SCHIP1: variants seen among roughly 807,000 people sequenced by gnomAD.
SCHIP1 encodes the protein schwannomin-interacting protein 1.
SCHIP1 carries 8 observed loss-of-function variants against 29.7 expected under a neutral mutation model. That is an observed-to-expected ratio of 0.27 (90% CI 0.16 to 0.49). The LOEUF (loss-of-function observed/expected upper bound fraction) is 0.49, where lower values mean the gene tolerates loss of function less well. Ranked by LOEUF, SCHIP1 falls within the 20% of genes least tolerant of loss-of-function variation. SCHIP1 has a pLI of 0.99. For missense variants in SCHIP1, 193 were observed against 294.6 expected (o/e 0.66, Z 2.52); for synonymous variants, 76 against 94.9 (o/e 0.80, Z 1.16).
At chr3:159,895,061 T>G (rs1717926056) in intron 6 of SCHIP1, among the ~76,000 whole-genome samples, 1 of 152,200 alleles carries the variant, frequency 6.6e-6, no homozygotes, top group African/African-American at 2.4e-5. Flanking sequence ...TCAAGTTCAC[T>G]GGGCATCAAA....
the SCHIP1 span, among the ~76,000 whole-genome samples, chr3:159,715,441 A>G: frequency 6.6e-6 from 1 of 152,282 alleles, no homozygotes; most frequent in East Asian, 1.9e-4. Context: ...GATCAGTAAT[A>G]ACAAACCTCT....
intron 1 of SCHIP1, among the ~76,000 whole-genome samples, chr3:159,863,504 A>G (rs1714276237): frequency 1.3e-5 from 2 of 152,172 alleles, no homozygotes; most frequent in Admixed American, 1.3e-4. Context: ...AAAAGATTTT[A>G]AAATTGTGTT....
At chr3:159,350,181 A>C in the SCHIP1 span, among the ~76,000 whole-genome samples, 1 of 152,124 alleles carries the variant, frequency 6.6e-6, no homozygotes, top group Non-Finnish European at 1.5e-5. Flanking sequence ...ATCTGATTTT[A>C]GTTTCACAAT....
rs370059809 is a variant in SCHIP1, at chr3:159,863,567, A to G, written c.31-2596A>G. 1.2e-4 allele frequency among the ~76,000 whole-genome samples: 18 copies of G among 152,352 alleles called. No individual in the cohort carries two copies. In the East Asian group the frequency reaches 2.5e-3, roughly 21 times the overall value. On this transcript the variant is annotated intron_variant, in intron 1 of 6. Transcript: ENST00000445224. ...CAATTCTGAAAATCTAATAAATAAT[A>G]TGATCTCAACTTTATAAAAAGGAAA...
chr3:159,722,384 T>C, the SCHIP1 span: 1 of 153,356 alleles, frequency 6.5e-6, no homozygotes, highest in African/African-American at 2.4e-5. Context: ...ATAGAAAGTC[T>C]TCTCTTTCTA....
At chr3:159,852,801 A>C (rs530294668) in intron 1 of SCHIP1, 32 of 152,310 alleles carry the variant, frequency 2.1e-4, no homozygotes, top group African/African-American at 7.0e-4. Flanking sequence ...AAAAGCAAAC[A>C]TCTGTGTTAC....
chr3:159,795,844 C>G, the SCHIP1 span, among the ~76,000 whole-genome samples: 258 of 152,224 alleles, frequency 1.7e-3, no homozygotes, highest in African/African-American at 6.0e-3. Context: ...GATGTGTTGA[C>G]GGAAGCCAAT....
At chr3:159,589,961 T>A in the SCHIP1 span, among the ~76,000 whole-genome samples, 2 of 152,202 alleles carry the variant, frequency 1.3e-5, no homozygotes, top group Non-Finnish European at 2.9e-5. Context: ...GGTGGCTAGA[T>A]AAAATACAGA....
At chr3:159,592,990 GGA>G in the SCHIP1 span, among the ~76,000 whole-genome samples, 3 of 152,084 alleles carry the variant, frequency 2.0e-5, no homozygotes, top group African/African-American at 7.2e-5. Flanking sequence ...CCTGGAGTAG[GGA>G]GAGGGAGGTC....
the SCHIP1 span, among the ~76,000 whole-genome samples, chr3:159,425,670 C>G: frequency 6.6e-6 from 1 of 152,214 alleles, no homozygotes; most frequent in African/African-American, 2.4e-5. Context: ...AGGAATTGAA[C>G]TCAGCTCTGC....
chr3:159,415,243 G>A, the SCHIP1 span, among the ~76,000 whole-genome samples: 1 of 152,114 alleles, frequency 6.6e-6, no homozygotes, highest in Non-Finnish European at 1.5e-5. Context: ...TACTCCAACT[G>A]AGTGTCTGTA....
At chr3:159,885,290 A>G (rs532478235) in intron 2 of SCHIP1, among the ~76,000 whole-genome samples, 3 of 152,260 alleles carry the variant, frequency 2.0e-5, no homozygotes, top group African/African-American at 7.2e-5. Flanking sequence ...TTCTTTCCCT[A>G]AGCTTACACA....
the SCHIP1 span, among the ~76,000 whole-genome samples, chr3:159,600,122 T>A: frequency 6.6e-6 from 1 of 152,190 alleles, no homozygotes; most frequent in Non-Finnish European, 1.5e-5. Flanking sequence ...TAGGCACCTT[T>A]TTCATGTTGT....
At chr3:159,573,114 T>C in the SCHIP1 span, among the ~76,000 whole-genome samples, 1 of 152,178 alleles carries the variant, frequency 6.6e-6, no homozygotes, top group East Asian at 1.9e-4. Context: ...CATTTACATT[T>C]AAGGTTAATA....
chr3:159,372,219 A>ATTAGTC, the SCHIP1 span, among the ~76,000 whole-genome samples: 1 of 152,136 alleles, frequency 6.6e-6, no homozygotes, highest in Non-Finnish European at 1.5e-5. Flanking sequence ...ACTGAAAAAA[A>ATTAGTC]TTAGTCTTAA....
the SCHIP1 span, among the ~76,000 whole-genome samples, chr3:159,558,690 A>T: frequency 3.3e-3 from 508 of 152,352 alleles, 2 homozygotes; most frequent in African/African-American, 0.012. Context: ...TCTCATCGGT[A>T]GCCCCTTACT....
chr3:159,613,150 A>T, the SCHIP1 span, among the ~76,000 whole-genome samples: 3 of 152,226 alleles, frequency 2.0e-5, no homozygotes, highest in African/African-American at 7.2e-5. Flanking sequence ...TAACAAAAAA[A>T]TTGATTTACT....
At chr3:159,602,630 T>A in the SCHIP1 span, among the ~76,000 whole-genome samples, 30,909 of 151,032 alleles carry the variant, frequency 0.2, 8,617 homozygotes, top group African/African-American at 0.63. Context: ...AATTGCTTGA[T>A]CCTGGGAGGC....
At chr3:159,282,011 T>C in the SCHIP1 span, among the ~76,000 whole-genome samples, 1 of 152,084 alleles carries the variant, frequency 6.6e-6, no homozygotes, top group Admixed American at 6.5e-5. Flanking sequence ...AATTTCTGTG[T>C]CATTAAAATT....
Sources: gnomAD v4.1 joint callset for allele counts (sites outside exome capture counted in the v4.1 genomes callset) on GRCh38, gnomAD v4.1.1 for gene constraint, MANE v1.5 for transcripts, NCBI Gene and HGNC (gene_info 2026-07-23, HGNC 2026-07-21) for gene names.